BCL11B: variants seen among roughly 807,000 people sequenced by gnomAD.
The protein encoded by BCL11B is B-cell lymphoma/leukemia 11B.
In BCL11B, 8 loss-of-function variants were observed where a neutral mutation model predicts 49.9. The observed-to-expected ratio is 0.16, with a 90% CI of 0.09 to 0.29. The LOEUF (loss-of-function observed/expected upper bound fraction) is 0.29, where lower values mean the gene tolerates loss of function less well. BCL11B is among the 10% of genes least tolerant of loss of function. The pLI is 1.00. For synonymous variants in BCL11B, 739 were observed against 637.4 expected (o/e 1.16, Z -2.40); for missense variants, 1,006 against 1,351.0 (o/e 0.74, Z 4.00).
rs67440207 is a variant in BCL11B at position 99,255,405 on chromosome 14, G to GAAAAAAAAA, written c.427+2057_427+2065dup. ...TAGGCTGCTGCAGTATCACAACCTGGAAAAAAAAAAAAAAAAAAAAAAAAA... is the reference window on the plus strand; with the variant it reads ...TAGGCTGCTGCAGTATCACAACCTGGAAAAAAAAAAAAAAAAAAAAAAAAAAAAAAAAAA... On this transcript the variant is annotated intron_variant, in intron 2 of 3. Coordinates refer to ENST00000357195, the MANE Select transcript of BCL11B (RefSeq NM_138576.4). Among the ~76,000 whole-genome samples the GAAAAAAAAA allele has an allele frequency of 1.5e-4, 10 of 65,168 alleles. 1 individual carries two copies. The East Asian group carries it at 2.1e-3, about 14-fold the overall frequency. 42.8% of individuals were successfully genotyped at this position (65,168 alleles called of 152,430 possible).
At chr14:99,254,698 C>T (rs1889106393) in intron 2 of BCL11B, among the ~76,000 whole-genome samples, 1 of 152,244 alleles carries the variant, frequency 6.6e-6, no homozygotes. Flanking sequence ...CCTTGGAGCC[C>T]CGGCCAGGAG....
intron 2 of BCL11B, among the ~76,000 whole-genome samples, chr14:99,235,828 T>A (rs1888481180): frequency 6.6e-6 from 1 of 152,032 alleles, no homozygotes. Flanking sequence ...TCTTGCATTG[T>A]TGATTTTTTT....
intron 3 of BCL11B, among the ~76,000 whole-genome samples, chr14:99,200,844 G>C (rs1055800840): frequency 2.0e-5 from 3 of 152,188 alleles, no homozygotes; most frequent in African/African-American, 7.2e-5. Flanking sequence ...CCTCCCCCGA[G>C]GCCTGGCACA....
Position 99,252,645 on chromosome 14 carries a change from G to A in BCL11B, c.427+4826C>T, listed in dbSNP as rs1042362389. ...AGTGGGCAGGGACATCGCAGCCAGG[G>A]CTGCCTGCCACCTCCAAGCCCAGAG... On this transcript the variant is annotated intron_variant, in intron 2 of 3. Transcript: ENST00000357195. Among the ~76,000 whole-genome samples, 8 of 152,230 alleles carry A rather than the reference G, an allele frequency of 5.3e-5. No homozygotes were observed. In the South Asian group the frequency reaches 1.0e-3, roughly 20 times the overall value.
At position 99,173,817 on chromosome 14, in the gene BCL11B, AAAG is replaced by A. The variant is rs1886372210; in HGVS notation, c.*331_*333del. 6 of 340,250 alleles carry A rather than the reference AAAG, an allele frequency of 1.8e-5. No homozygotes were observed. In the South Asian group the frequency reaches 2.9e-4, roughly 17 times the overall value. 21.1% of individuals were successfully genotyped at this position (340,250 alleles called of 1,614,324 possible). Reference sequence around the variant, plus strand: ...GCTACTACCGGGTTAAAAAAAAAACAAAGAAGGGATGGATACCCAACAAAATCT... The same window carrying A: ...GCTACTACCGGGTTAAAAAAAAAACAAAGGGATGGATACCCAACAAAATCT... On this transcript the variant is annotated 3_prime_UTR_variant, in exon 4 of 4. Coordinates refer to ENST00000357195, the MANE Select transcript of BCL11B (RefSeq NM_138576.4).
chr14:99,253,107 G>A (rs1471440574), intron 2 of BCL11B, among the ~76,000 whole-genome samples: 1 of 152,226 alleles, frequency 6.6e-6, no homozygotes, highest in Non-Finnish European at 1.5e-5. Flanking sequence ...CCAAAAAGGA[G>A]GTGCAGACGA....
intron 2 of BCL11B, among the ~76,000 whole-genome samples, chr14:99,249,489 C>T (rs533324779): frequency 6.6e-6 from 1 of 152,296 alleles, no homozygotes; most frequent in South Asian, 2.1e-4. Flanking sequence ...GGTGACTCAC[C>T]GGACAACTGT....
In BCL11B at chr14:99,174,038, C is replaced by T; in HGVS notation, c.*113G>A. Reference sequence around the variant, plus strand: ...GGTTGGAGTGCCGCCTCCCCTGGGCCCCGGGGACACGCGGGGTGCGGGGTG... The same window carrying T: ...GGTTGGAGTGCCGCCTCCCCTGGGCTCCGGGGACACGCGGGGTGCGGGGTG... On this transcript the variant is annotated 3_prime_UTR_variant, in exon 4 of 4. Coordinates refer to ENST00000357195, the MANE Select transcript of BCL11B (RefSeq NM_138576.4). The T allele has an allele frequency of 8.9e-7, 1 of 1,128,030 alleles. No homozygotes were observed. The highest frequency in any genetic ancestry group is 1.3e-6 in the Non-Finnish European group (1 of 796,576). 69.9% of individuals were successfully genotyped at this position (1,128,030 alleles called of 1,614,324 possible).
intron 2 of BCL11B, among the ~76,000 whole-genome samples, chr14:99,244,301 T>C (rs796075264): frequency 0.011 from 1,581 of 145,824 alleles, 28 homozygotes; most frequent in African/African-American, 0.033. Flanking sequence ...TACCCCCCCC[T>C]CACACACACA....
intron 3 of BCL11B, among the ~76,000 whole-genome samples, chr14:99,204,857 A>G (rs1056730982): frequency 9.2e-5 from 14 of 152,224 alleles, no homozygotes; most frequent in Non-Finnish European, 4.4e-5. Flanking sequence ...TCATTCAAAA[A>G]TGTTCAAAAC....
chr14:99,199,640 C>CTGTGTGTGTGTGTGTGTGTGTGTGTG (rs79328426), intron 3 of BCL11B, among the ~76,000 whole-genome samples: 1 of 109,524 alleles, frequency 9.1e-6, no homozygotes, highest in African/African-American at 3.7e-5. Context: ...TGGCTAAATG[C>CTGTGTGTGTGTGTGTGTGTGTGTGTG]TGTGTGTGTG....
chr14:99,198,573 C>A (rs183484616), intron 3 of BCL11B, among the ~76,000 whole-genome samples: 2 of 152,268 alleles, frequency 1.3e-5, no homozygotes, highest in African/African-American at 4.8e-5. Context: ...TGAGCCTATG[C>A]GTGTCCCTGG....
Position 99,242,807 on chromosome 14 carries a change from C to T in BCL11B, c.428-11250G>A, listed in dbSNP as rs559563106. On this transcript the variant is annotated intron_variant, in intron 2 of 3. Transcript: ENST00000357195. This position sits in a 1 kb window ranked among gnomAD's most constrained non-coding sequence, Gnocchi z 4.4. ...TCAAGACACTTCCAAAGAAAAGCAA[C>T]AACCAAAAAGTAAAATGGAGCCCCA... is the stretch of plus-strand genomic sequence containing the variant. Among the ~76,000 whole-genome samples the T allele has an allele frequency of 6.6e-6, 1 of 152,322 alleles. No individual in the cohort carries two copies. The highest frequency in any genetic ancestry group is 2.1e-4 in the South Asian group (1 of 4,828).
Position 99,213,430 on chromosome 14 carries a change from C to T in BCL11B, c.640+17915G>A, listed in dbSNP as rs1887742883. Among the ~76,000 whole-genome samples, 1 of 152,182 alleles carries T rather than the reference C, an allele frequency of 6.6e-6. No homozygotes were observed. The highest frequency in any genetic ancestry group is 1.5e-5 in the Non-Finnish European group (1 of 68,034). On this transcript the variant is annotated intron_variant, in intron 3 of 3. Transcript: ENST00000357195. The surrounding 1 kb of genome is among the most constrained non-coding windows in gnomAD (Gnocchi z 5.1). ...ATGCGACGTTTCCCCTCCAAAAATT[C>T]GAGGAACACCAAAATGACTCTCATC...
Position 99,173,487 on chromosome 14 carries a change from A to C in BCL11B, c.*664T>G, listed in dbSNP as rs1376660558. 1 of 216,324 alleles carries C rather than the reference A, an allele frequency of 4.6e-6. No individual in the cohort carries two copies. Among genetic ancestry groups the C allele is most frequent in the Non-Finnish European group, 9.3e-6 (1 of 107,204 alleles). The allele number at this position is 216,324 out of a possible 1,614,324, so 13.4% of individuals were successfully genotyped here. On this transcript the variant is annotated 3_prime_UTR_variant, in exon 4 of 4. Coordinates refer to ENST00000357195, the MANE Select transcript of BCL11B (RefSeq NM_138576.4). Reference sequence around the variant, plus strand: ...TACATCTCCATTCCAGTTCTGAAACAAAGTGCTACGACTTGAAAGATTGTT... The same window carrying C: ...TACATCTCCATTCCAGTTCTGAAACCAAGTGCTACGACTTGAAAGATTGTT...
At position 99,231,639 on chromosome 14, in the gene BCL11B, G is replaced by A. The variant is rs950962189; in HGVS notation, c.428-82C>T. 88 of 1,396,460 alleles carry A rather than the reference G, an allele frequency of 6.3e-5. 1 individual carries two copies. Among genetic ancestry groups the A allele is most frequent in the Admixed American group, 1.4e-4 (7 of 49,900 alleles). 86.5% of individuals were successfully genotyped at this position (1,396,460 alleles called of 1,614,324 possible). A position where few individuals can be genotyped will look rare whatever the true frequency, so the allele number is the denominator to read the frequency against. Reference sequence around the variant, plus strand: ...CACGGGGTGGGACGGGGCTCGGGGCGTGGGGCTCTGCTCAGGCCACCCTTC... The same window carrying A: ...CACGGGGTGGGACGGGGCTCGGGGCATGGGGCTCTGCTCAGGCCACCCTTC... On this transcript the variant is annotated intron_variant, in intron 2 of 3. Coordinates refer to ENST00000357195, the MANE Select transcript of BCL11B (RefSeq NM_138576.4). The surrounding 1 kb of genome is among the most constrained non-coding windows in gnomAD (Gnocchi z 8.1).
At chr14:99,203,695 A>G (rs807566) in intron 3 of BCL11B, among the ~76,000 whole-genome samples, 128,191 of 152,118 alleles carry the variant, frequency 0.84, 54,198 homozygotes, top group African/African-American at 0.87. Flanking sequence ...TGAAAACTGC[A>G]TCTCCTGGGC....
rs1281736298 is a variant in BCL11B at position 99,192,382 on chromosome 14, C to T, written c.641-16187G>A. The stretch of plus-strand genomic sequence containing the variant: ...TAAATGGGGAACAGAGCAGGGCTTT[C>T]GGGGCCCCGCTCGCCACAATAGGGA... On this transcript the variant is annotated intron_variant, in intron 3 of 3. Coordinates refer to ENST00000357195, the MANE Select transcript of BCL11B (RefSeq NM_138576.4). The surrounding 1 kb of genome is among the most constrained non-coding windows in gnomAD (Gnocchi z 4.0). Among the ~76,000 whole-genome samples, 1 of 152,168 alleles carries T rather than the reference C, an allele frequency of 6.6e-6. No homozygotes were observed. Among genetic ancestry groups the T allele is most frequent in the Non-Finnish European group, 1.5e-5 (1 of 68,022 alleles).
Position 99,261,171 on chromosome 14 carries a change from C to T in BCL11B, c.59-3332G>A, listed in dbSNP as rs921262355. On this transcript the variant is annotated intron_variant, in intron 1 of 3. Transcript: ENST00000357195. Reference sequence around the variant, plus strand: ...CCCTCAACATCAGGCAGCAGAGTCACCCCCAGCCCCAAATTTCTGGGTCAG... The same window carrying T: ...CCCTCAACATCAGGCAGCAGAGTCATCCCCAGCCCCAAATTTCTGGGTCAG... Among the ~76,000 whole-genome samples the T allele has an allele frequency of 1.4e-4, 22 of 152,168 alleles. 1 individual carries two copies. Among genetic ancestry groups the T allele is most frequent in the Admixed American group, 1.3e-3 (20 of 15,284 alleles).
Sources: gnomAD v4.1 joint callset for allele counts (sites outside exome capture counted in the v4.1 genomes callset) on GRCh38, gnomAD v4.1.1 for gene constraint, Gnocchi (gnomAD v3.1) non-coding constraint, MANE v1.5 for transcripts, NCBI Gene and HGNC (gene_info 2026-07-23, HGNC 2026-07-21) for gene names.